MUC7: variants seen among roughly 807,000 people sequenced by gnomAD.
MUC7 encodes the protein mucin 7, secreted.
MUC7 carries 2 observed loss-of-function variants against 2.5 expected under a neutral mutation model. The ratio of observed to expected loss-of-function variants is 0.81; its 90% CI spans 0.33 to 2.55. The LOEUF is 2.55. MUC7 is among the 30% of genes most tolerant of loss of function. The pLI is 0.11. For synonymous variants in MUC7, 133 were observed against 173.4 expected, an observed-to-expected ratio of 0.77 and a Z score of 1.83; for missense variants, 408 against 455.6, an observed-to-expected ratio of 0.90 and a Z score of 0.95.
Position 70,474,995 on chromosome 4 carries a change from C to A in MUC7, c.54+920C>A, listed in dbSNP as rs542820806. Among the ~76,000 whole-genome samples the A allele has an allele frequency of 1.4e-4, 21 of 152,168 alleles. No individual in the cohort carries two copies. The East Asian group carries it at 2.5e-3, about 18-fold the overall frequency. On this transcript the variant is annotated intron_variant, in intron 2 of 2. Coordinates refer to ENST00000304887, the MANE Select transcript of MUC7 (RefSeq NM_152291.3). The stretch of plus-strand genomic sequence containing the variant: ...ATATGTGGTAAAAGAAAGAAATGAA[C>A]AGGCCGGGCGCGGTGGCTCATGCCT...
In MUC7 at chr4:70,482,890, T is replaced by C. The variant is rs1344004832; in HGVS notation, c.*1012T>C. ...GTTAGCTACTTGGTATACGGAGATGTTAATTTGGGATATGGAGGCATTTTT... is the reference window on the plus strand; with the variant it reads ...GTTAGCTACTTGGTATACGGAGATGCTAATTTGGGATATGGAGGCATTTTT... On this transcript the variant is annotated 3_prime_UTR_variant, in exon 3 of 3. Coordinates refer to ENST00000304887, the MANE Select transcript of MUC7 (RefSeq NM_152291.3). The C allele has an allele frequency of 6.6e-6, 1 of 152,246 alleles. No individual in the cohort carries two copies. Among genetic ancestry groups the C allele is most frequent in the Non-Finnish European group, 1.5e-5 (1 of 68,034 alleles). 9.4% of individuals were successfully genotyped at this position (152,246 alleles called of 1,614,324 possible). A position where few individuals can be genotyped will look rare whatever the true frequency, so the allele number is the denominator to read the frequency against.
At chr4:70,474,137 A>G in intron 2 of MUC7, 62 bp downstream of exon 2, 1 of 1,392,364 alleles carries the variant, frequency 7.2e-7, no homozygotes, top group Admixed American at 1.8e-5. Flanking sequence ...TAGTGTACCT[A>G]CCTGAGACTT....
upstream of MUC7, among the ~76,000 whole-genome samples, chr4:70,469,522 A>T (rs1009266130): frequency 6.6e-6 from 1 of 152,260 alleles, no homozygotes. Context: ...ACAAAAGGCT[A>T]ATATCCAGAA....
At chr4:70,458,098 A>T (rs567068244) in intron 1 of MUC7, among the ~76,000 whole-genome samples, 2 of 152,276 alleles carry the variant, frequency 1.3e-5, no homozygotes, top group South Asian at 4.1e-4. Flanking sequence ...AAATATTTAT[A>T]AAACAAATCC....
At chr4:70,458,743 A>C (rs2029494) in intron 1 of MUC7, among the ~76,000 whole-genome samples, 51,679 of 151,992 alleles carry the variant, frequency 0.34, 9,698 homozygotes, top group Admixed American at 0.43. Flanking sequence ...TGTATTCCAT[A>C]TTTTCAAACA....
rs28510948 is a variant in MUC7, at chr4:70,437,459, G to A, written c.-93+6772G>A. On this transcript the variant is annotated intron_variant, in intron 1 of 3. Coordinates refer to the MUC7 transcript ENST00000413702. ...GCCCCTCCCCCCGCCACGCTGTAGCGTCCCAGGTCGATCTCAGACTGCTGT... is the reference window on the plus strand; with the variant it reads ...GCCCCTCCCCCCGCCACGCTGTAGCATCCCAGGTCGATCTCAGACTGCTGT... Among the ~76,000 whole-genome samples, 1,447 of 152,308 alleles carry A rather than the reference G, an allele frequency of 9.5e-3. 12 individuals are homozygous for A. Among genetic ancestry groups the A allele is most frequent in the Middle Eastern group, 0.027 (8 of 294 alleles).
At chr4:70,435,702 T>C (rs1036610166) in intron 1 of MUC7, among the ~76,000 whole-genome samples, 7 of 152,192 alleles carry the variant, frequency 4.6e-5, no homozygotes, top group African/African-American at 1.7e-4. Context: ...CCCATTTACA[T>C]TTAAGGTTAA....
chr4:70,443,561 C>T (rs1464590858), intron 1 of MUC7, among the ~76,000 whole-genome samples: 3 of 152,144 alleles, frequency 2.0e-5, no homozygotes, highest in African/African-American at 4.8e-5. Context: ...ACAAAATGGT[C>T]AGCTTCGAAG....
intron 2 of MUC7, among the ~76,000 whole-genome samples, chr4:70,476,597 G>A (rs1276082910): frequency 6.6e-6 from 1 of 152,162 alleles, no homozygotes; most frequent in African/African-American, 2.4e-5. Flanking sequence ...GACCAGCCTG[G>A]CCAACATGGT....
chr4:70,472,635 C>T (rs1331008429), intron 1 of MUC7, among the ~76,000 whole-genome samples: 3 of 152,036 alleles, frequency 2.0e-5, no homozygotes, highest in African/African-American at 7.3e-5. Context: ...AGACATTATT[C>T]TCAGTACGAT....
At chr4:70,434,296 T>C (rs1017511142) in intron 1 of MUC7, among the ~76,000 whole-genome samples, 2 of 152,234 alleles carry the variant, frequency 1.3e-5, no homozygotes, top group Non-Finnish European at 2.9e-5. Context: ...GAAAGAATGG[T>C]ACCAGCTCCT....
intron 2 of MUC7, among the ~76,000 whole-genome samples, chr4:70,476,941 C>G (rs1735023339): frequency 6.6e-6 from 1 of 152,140 alleles, no homozygotes; most frequent in African/African-American, 2.4e-5. Flanking sequence ...CCAGATGTCC[C>G]AAAGAAAGAC....
At chr4:70,474,222 C>T (rs2109741105) in intron 2 of MUC7, 147 bp downstream of exon 2, 3 of 647,344 alleles carry the variant, frequency 4.6e-6, no homozygotes, top group Non-Finnish European at 8.0e-6. Context: ...TAAATATGGA[C>T]AATTGGCCGG....
chr4:70,463,858 T>A (rs551079214), intron 1 of MUC7, among the ~76,000 whole-genome samples: 1 of 152,332 alleles, frequency 6.6e-6, no homozygotes, highest in East Asian at 1.9e-4. Flanking sequence ...ATCTTGATCT[T>A]GGACTTCTCA....
At chr4:70,451,386 TATAAAG>T (rs1296492239) in intron 1 of MUC7, among the ~76,000 whole-genome samples, 1 of 152,198 alleles carries the variant, frequency 6.6e-6, no homozygotes, top group Non-Finnish European at 1.5e-5. Flanking sequence ...CTTTTAGTGA[TATAAAG>T]ATAAACAAGG....
intron 1 of MUC7, chr4:70,430,717 C>G (rs1366325648): frequency 6.6e-6 from 1 of 152,068 alleles, no homozygotes; most frequent in African/African-American, 2.4e-5. Flanking sequence ...CAAATTAAGA[C>G]TTTTGAATAG....
chr4:70,476,069 T>C (rs1449437487), intron 2 of MUC7, among the ~76,000 whole-genome samples: 2 of 152,168 alleles, frequency 1.3e-5, no homozygotes, highest in Non-Finnish European at 2.9e-5. Context: ...GGCCCCAATT[T>C]CCCTATGTGT....
At chr4:70,431,880 A>T (rs1733675814) in intron 1 of MUC7, among the ~76,000 whole-genome samples, 1 of 151,954 alleles carries the variant, frequency 6.6e-6, no homozygotes, top group Non-Finnish European at 1.5e-5. Flanking sequence ...TATATCTCCT[A>T]ATGCTATCCC....
chr4:70,437,510 G>C (rs757748461), intron 1 of MUC7, among the ~76,000 whole-genome samples: 23 of 152,334 alleles, frequency 1.5e-4, no homozygotes, highest in Middle Eastern at 6.8e-3. Context: ...GGCTCCATGG[G>C]CGTGGGACTC....
Sources: allele counts gnomAD v4.1 joint callset (sites outside exome capture counted in the v4.1 genomes callset), GRCh38; gene constraint gnomAD v4.1.1; transcripts MANE v1.5; gene names NCBI Gene and HGNC (gene_info 2026-07-23, HGNC 2026-07-21).